The following CDKN2A variants were observed in gnomAD, a reference collection of about 807,000 sequenced individuals.
The protein encoded by CDKN2A is cyclin dependent kinase inhibitor 2A, also known as cyclin-dependent kinase inhibitor 2A.
In CDKN2A, 3 loss-of-function variants were observed where a neutral mutation model predicts 11.1. The observed-to-expected ratio is 0.27, with a 90% CI of 0.12 to 0.70. The LOEUF (loss-of-function observed/expected upper bound fraction) is 0.70, where lower values mean the gene tolerates loss of function less well. CDKN2A is among the 30% of genes least tolerant of loss of function. The pLI is 0.77. For synonymous variants in CDKN2A, 122 were observed against 108.1 expected (o/e 1.13, Z -0.80); for missense variants, 265 against 233.6 (o/e 1.13, Z -0.88).
At chr9:21,992,065 C>T (rs972861678) in intron 2 of CDKN2A, 29 of 952,420 alleles carry the variant, frequency 3.0e-5, no homozygotes, top group African/African-American at 1.9e-4. Context: ...AAACTGGTAA[C>T]GTGGAATTTT....
intron 2 of CDKN2A, chr9:21,970,283 C>T (rs942997817): frequency 1.7e-5 from 4 of 237,436 alleles, no homozygotes; most frequent in Non-Finnish European, 3.3e-5. Flanking sequence ...GGGAAAGGAG[C>T]CAACTCCGGT....
In CDKN2A at chr9:21,968,757, G is replaced by C. The variant is rs1267014982; in HGVS notation, c.458-515C>G. ...TGCCTGCTTCTACAAACCCACAAAT[G>C]GTTTCCGATCATTTCTGAAACAAAA... On this transcript the variant is annotated intron_variant, in intron 2 of 2. Transcript: ENST00000304494. The surrounding 1 kb of genome is among the most constrained non-coding windows in gnomAD (Gnocchi z 4.7). 6.5e-7 allele frequency: 1 copy of C among 1,536,096 alleles called. No homozygotes were observed. Among genetic ancestry groups the C allele is most frequent in the Non-Finnish European group, 8.7e-7 (1 of 1,146,910 alleles).
chr9:21,973,876 TTTTCTCTCTCTC>T (rs1819895950), intron 1 of CDKN2A, among the ~76,000 whole-genome samples: 1 of 152,058 alleles, frequency 6.6e-6, no homozygotes, highest in African/African-American at 2.4e-5. Context: ...TCTGAATAAT[TTTTCTCTCTCTC>T]TTTCTCTCTT....
At chr9:21,978,709 T>C (rs1820099493), upstream of CDKN2A, among the ~76,000 whole-genome samples, 1 of 152,120 alleles carries the variant, frequency 6.6e-6, no homozygotes, top group African/African-American at 2.4e-5. Flanking sequence ...TGATCAGTCT[T>C]ATAACAAAAA....
intron 2 of CDKN2A, among the ~76,000 whole-genome samples, chr9:21,990,648 G>GAGAGAA (rs1261600637): frequency 5.4e-5 from 8 of 149,486 alleles, no homozygotes; most frequent in African/African-American, 2.0e-4. Context: ...GAGAGAGAGA[G>GAGAGAA]AGAAACTGTT....
rs928686920 is a variant in CDKN2A at position 21,974,131 on chromosome 9, T to C, written c.150+547A>G. 6.6e-6 allele frequency among the ~76,000 whole-genome samples: 1 copy of C among 152,090 alleles called. No homozygotes were observed. Among genetic ancestry groups the C allele is most frequent in the Non-Finnish European group, 1.5e-5 (1 of 68,010 alleles). Reference sequence around the variant, plus strand: ...TCTCGAACTCCCGACCTCAGGTGATTCCCCCCGCCTTGATCTCCCAAAGTG... The same window carrying C: ...TCTCGAACTCCCGACCTCAGGTGATCCCCCCCGCCTTGATCTCCCAAAGTG... On this transcript the variant is annotated intron_variant, in intron 1 of 2. Transcript: ENST00000304494. The surrounding 1 kb of genome is among the most constrained non-coding windows in gnomAD (Gnocchi z 5.2).
rs1261184323 is a variant in CDKN2A at position 21,994,201 on chromosome 9, G to A, written c.-175-148C>T. On this transcript the variant is annotated intron_variant, in intron 1 of 3. Coordinates refer to the CDKN2A transcript ENST00000494262. ...GCTCCTCAGTAGCATCAGCACGAGGGCCACAGCGGCGGGCGCCCCTGGCGC... is the reference window on the plus strand; with the variant it reads ...GCTCCTCAGTAGCATCAGCACGAGGACCACAGCGGCGGGCGCCCCTGGCGC... 6.2e-7 allele frequency: 1 copy of A among 1,606,608 alleles called. No individual in the cohort carries two copies. Among genetic ancestry groups the A allele is most frequent in the East Asian group, 2.2e-5 (1 of 44,848 alleles).
At chr9:21,994,671 T>A in intron 1 of CDKN2A, 1 of 246,340 alleles carries the variant, frequency 4.1e-6, no homozygotes, top group Non-Finnish European at 7.7e-6. Flanking sequence ...CTACCGCCAC[T>A]TTCCCGCCCT....
rs1426385194 is a variant in CDKN2A, at chr9:21,968,343, C to T, written c.458-101G>A. 1 of 1,538,094 alleles carries T rather than the reference C, an allele frequency of 6.5e-7. No individual in the cohort carries two copies. The highest frequency in any genetic ancestry group is 1.4e-5 in the African/African-American group (1 of 73,426). ...TGCCGTCCCTACCGGCATTGAAATACTTATGGATAAAGTTCTCGCAATGGC... is the reference window on the plus strand; with the variant it reads ...TGCCGTCCCTACCGGCATTGAAATATTTATGGATAAAGTTCTCGCAATGGC... On this transcript the variant is annotated intron_variant, in intron 2 of 2. Transcript: ENST00000304494. The surrounding 1 kb of genome is among the most constrained non-coding windows in gnomAD (Gnocchi z 4.7).
In CDKN2A at chr9:21,974,755, C is replaced by T. The variant is rs2131113089; in HGVS notation, c.73G>A (p.Val25Ile). Residue 25 changes from valine to isoleucine, a missense_variant, in exon 1 of 3, where the codon GTA (valine) becomes ATA (isoleucine). By Grantham distance (29) the Val-to-Ile change is conservative. Transcript: ENST00000304494. This position sits in a 1 kb window ranked among gnomAD's most constrained non-coding sequence, Gnocchi z 5.2. The part of the protein sequence containing the change: ...WLATAAARGR[V>I]EEVRALLEAG... ...TCCAGCAGCGCCCGCACCTCCTCTA[C>T]CCGACCCCGGGCCGCGGCCGTGGCC... is the stretch of plus-strand genomic sequence containing the variant. The T allele has an allele frequency of 6.2e-7, 1 of 1,610,714 alleles. No homozygotes were observed. The highest frequency in any genetic ancestry group is 8.5e-7 in the Non-Finnish European group (1 of 1,179,620).
upstream of CDKN2A, among the ~76,000 whole-genome samples, chr9:21,977,490 C>T (rs1461308832): frequency 6.6e-6 from 1 of 152,086 alleles, no homozygotes; most frequent in Non-Finnish European, 1.5e-5. Flanking sequence ...CTCAGCCTCC[C>T]GAGTAGCTGG....
rs916721255 is a variant in CDKN2A at position 21,991,548 on chromosome 9, C to A, written c.-4+2334G>T. The A allele has an allele frequency of 4.7e-5, 27 of 576,754 alleles. No homozygotes were observed. Among genetic ancestry groups the A allele is most frequent in the East Asian group, 1.5e-4 (1 of 6,858 alleles). 35.7% of individuals were successfully genotyped at this position (576,754 alleles called of 1,614,324 possible). On this transcript the variant is annotated intron_variant, in intron 2 of 3. Coordinates refer to the CDKN2A transcript ENST00000494262. The surrounding 1 kb of genome is among the most constrained non-coding windows in gnomAD (Gnocchi z 5.2). ...TAAAAGCACTGGGCCCACTGTTGAA[C>A]CTTGCTATAAAAAAGTATTTTTGAT...
At chr9:21,978,804 T>G (rs1820102959), upstream of CDKN2A, among the ~76,000 whole-genome samples, 1 of 152,156 alleles carries the variant, frequency 6.6e-6, no homozygotes, top group Non-Finnish European at 1.5e-5. Flanking sequence ...AGGTCAAACA[T>G]AGTATCTCTA....
chr9:21,981,805 A>G (rs1013774321), intron 2 of CDKN2A, among the ~76,000 whole-genome samples: 5 of 152,168 alleles, frequency 3.3e-5, no homozygotes, highest in African/African-American at 9.7e-5. Flanking sequence ...TTTAAACGGG[A>G]AAGAAACACT....
In CDKN2A at chr9:21,968,791, C is replaced by G. The variant is rs1409434572; in HGVS notation, c.458-549G>C. On this transcript the variant is annotated intron_variant, in intron 2 of 2. Transcript: ENST00000304494. The surrounding 1 kb of genome is among the most constrained non-coding windows in gnomAD (Gnocchi z 4.7). ...TCATTTCTGAAACAAAATGGATGCT[C>G]ATTTATTCATGTGCTCTGGCTTCTG... 6 of 1,535,910 alleles carry G rather than the reference C, an allele frequency of 3.9e-6. No individual in the cohort carries two copies. The highest frequency in any genetic ancestry group is 5.2e-6 in the Non-Finnish European group (6 of 1,146,736).
At chr9:21,976,920 A>G (rs959692972), upstream of CDKN2A, among the ~76,000 whole-genome samples, 1 of 152,246 alleles carries the variant, frequency 6.6e-6, no homozygotes, top group African/African-American at 2.4e-5. Flanking sequence ...CTACGTTTTA[A>G]AAAATGGATT....
chr9:21,977,646 A>G (rs560996668), upstream of CDKN2A, among the ~76,000 whole-genome samples: 4 of 152,292 alleles, frequency 2.6e-5, no homozygotes, highest in African/African-American at 9.6e-5. Context: ...GATTACAGGC[A>G]TGAGCCATCG....
chr9:21,971,517 T>TG (rs1819749803), intron 1 of CDKN2A: 1 of 465,772 alleles, frequency 2.1e-6, no homozygotes, highest in African/African-American at 2.1e-5. Flanking sequence ...TAACTTCCTG[T>TG]ATTTCCCCTG....
At chr9:21,972,263 G>C (rs1819802164) in intron 1 of CDKN2A, among the ~76,000 whole-genome samples, 1 of 152,040 alleles carries the variant, frequency 6.6e-6, no homozygotes, top group African/African-American at 2.4e-5. Flanking sequence ...CAATGTCTAT[G>C]TCCTAATCCT....
Sources: allele counts gnomAD v4.1 joint callset (sites outside exome capture counted in the v4.1 genomes callset), GRCh38; gene constraint gnomAD v4.1.1; non-coding constraint Gnocchi (gnomAD v3.1); transcripts MANE v1.5; gene names NCBI Gene and HGNC (gene_info 2026-07-23, HGNC 2026-07-21).